GIT1: variants seen among roughly 807,000 people sequenced by gnomAD.
The protein encoded by GIT1 is GIT ArfGAP 1.
Under a neutral mutation model 91.7 loss-of-function variants are expected in GIT1, and 14 were observed. The ratio of observed to expected loss-of-function variants is 0.15; its 90% CI spans 0.10 to 0.24. GIT1 has a LOEUF of 0.24. Among genes scored for constraint, GIT1 ranks in the 10% least tolerant of loss-of-function variants. The pLI is 1.00. For synonymous variants in GIT1, 414 were observed against 418.2 expected (o/e 0.99, Z 0.12); for missense variants, 717 against 1,024.9 (o/e 0.70, Z 4.10).
At position 29,581,404 on chromosome 17, in the gene GIT1, G is replaced by A; in HGVS notation, c.719-24C>T. On this transcript the variant is annotated intron_variant, in intron 6 of 19. Transcript: ENST00000225394. This position sits in a 1 kb window ranked among gnomAD's most constrained non-coding sequence, Gnocchi z 4.8. ...ATCTGAACAAAAATAAAAATGCCAA[G>A]TCACTCACTAGTGCTGGGTGGCCTC... 1 of 1,599,468 alleles carries A rather than the reference G, an allele frequency of 6.3e-7. No individual in the cohort carries two copies. The highest frequency in any genetic ancestry group is 1.1e-5 in the South Asian group (1 of 90,820).
chr17:29,585,925 C>G (rs1567777486), intron 1 of GIT1, among the ~76,000 whole-genome samples: 1 of 152,116 alleles, frequency 6.6e-6, no homozygotes, highest in African/African-American at 2.4e-5. Flanking sequence ...TTAACCAGTG[C>G]CAACCCCATG....
Position 29,578,379 on chromosome 17 carries a change from A to T in GIT1, c.811-8T>A, listed in dbSNP as rs1567771477. ...AAAAAGCCGGTTGCTGAGCTGGAGG[A>T]AGAGAGGGGCCCAGATGTTGTCAGA... On this transcript the variant is annotated splice_region_variant and splice_polypyrimidine_tract_variant and intron_variant, in intron 8 of 19. Transcript: ENST00000225394. The T allele has an allele frequency of 6.2e-7, 1 of 1,613,724 alleles. No individual in the cohort carries two copies. The highest frequency in any genetic ancestry group is 8.5e-7 in the Non-Finnish European group (1 of 1,179,640).
Position 29,574,411 on chromosome 17 carries a change from G to A in GIT1, c.*291C>T, listed in dbSNP as rs755750925. 2.1e-4 allele frequency: 92 copies of A among 441,222 alleles called. No individual in the cohort carries two copies. Among genetic ancestry groups the A allele is most frequent in the Non-Finnish European group, 3.2e-4 (77 of 240,720 alleles). 27.3% of individuals were successfully genotyped at this position (441,222 alleles called of 1,614,324 possible). On this transcript the variant is annotated 3_prime_UTR_variant, in exon 20 of 20. Transcript: ENST00000225394. ...CTTTGCTGAGGGTGCCCTAGAAGGC[G>A]AGGGGCTGGGAGTGATGCCTTGCAG...
rs2033393278 is a variant in GIT1, at chr17:29,581,480, T to C, written c.719-100A>G. The C allele has an allele frequency of 2.0e-6, 2 of 995,042 alleles. No homozygotes were observed. Among genetic ancestry groups the C allele is most frequent in the Non-Finnish European group, 3.2e-6 (2 of 623,668 alleles). 61.6% of individuals were successfully genotyped at this position (995,042 alleles called of 1,614,324 possible). A position where few individuals can be genotyped will look rare whatever the true frequency, so the allele number is the denominator to read the frequency against. ...CATGAGCAGGGCTGGCACCCAGAAG[T>C]GTCAGGGGAAAGTGGGGAGGGCAGG... On this transcript the variant is annotated intron_variant, in intron 6 of 19. Coordinates refer to ENST00000225394, the MANE Select transcript of GIT1 (RefSeq NM_014030.4). The surrounding 1 kb of genome is among the most constrained non-coding windows in gnomAD (Gnocchi z 4.8).
intron 10 of GIT1, 122 bp downstream of exon 10, chr17:29,577,523 G>A (rs1243480245): frequency 9.3e-6 from 7 of 753,972 alleles, no homozygotes; most frequent in Admixed American, 3.8e-5. Flanking sequence ...AGTGCCAGCT[G>A]TGCCCTGAGG....
intron 7 of GIT1, among the ~76,000 whole-genome samples, chr17:29,579,846 C>A (rs2033339552): frequency 1.3e-5 from 2 of 152,282 alleles, no homozygotes; most frequent in South Asian, 4.1e-4. Flanking sequence ...GGTCAAGCAG[C>A]CTGCAAGTCA....
At chr17:29,582,171 T>A in intron 4 of GIT1, 27 bp from the exon 5 acceptor site, 1 of 1,498,320 alleles carries the variant, frequency 6.7e-7, no homozygotes. Context: ...GTGCAGTGAA[T>A]ACGCATGTGC....
At chr17:29,578,109 C>T (rs2033276284) in intron 9 of GIT1, among the ~76,000 whole-genome samples, 190 bp downstream of exon 9, 1 of 152,182 alleles carries the variant, frequency 6.6e-6, no homozygotes, top group Non-Finnish European at 1.5e-5. Context: ...AGCACGCTAG[C>T]CGCCTCCCCC....
In GIT1 at chr17:29,574,169, C is replaced by T. The variant is rs1420070151; in HGVS notation, c.*533G>A. 1 of 151,948 alleles carries T rather than the reference C, an allele frequency of 6.6e-6. No homozygotes were observed. Among genetic ancestry groups the T allele is most frequent in the Non-Finnish European group, 1.5e-5 (1 of 68,228 alleles). 9.4% of individuals were successfully genotyped at this position (151,948 alleles called of 1,614,324 possible). On this transcript the variant is annotated 3_prime_UTR_variant, in exon 20 of 20. Coordinates refer to ENST00000225394, the MANE Select transcript of GIT1 (RefSeq NM_014030.4). ...ACTTTCCAGTGTTTGCTGCTGGGGACCCCAGCACACAGGTTGGGGCCTGTG... is the reference window on the plus strand; with the variant it reads ...ACTTTCCAGTGTTTGCTGCTGGGGATCCCAGCACACAGGTTGGGGCCTGTG...
Position 29,577,705 on chromosome 17 carries a change from T to A in GIT1, c.921A>T (p.Thr307=), listed in dbSNP as rs769240664. The A allele has an allele frequency of 8.7e-6, 14 of 1,612,866 alleles. No individual in the cohort carries two copies. Among genetic ancestry groups the A allele is most frequent in the Non-Finnish European group, 1.1e-5 (13 of 1,179,086 alleles). Residue 307 remains threonine, a synonymous_variant, in exon 10 of 20, where the codon ACA becomes ACT. Coordinates refer to ENST00000225394, the MANE Select transcript of GIT1 (RefSeq NM_014030.4). ...GCAGGAAGGGCACGGCACTGCGCTC[T>A]GTCACCAGAGTGCTGTGGTTTTGGG... ...LATQNHSTLV[T]ERSAVPFLPV... is the part of the protein sequence containing the mutation.
chr17:29,587,800 T>C (rs865901564), intron 1 of GIT1, among the ~76,000 whole-genome samples: 43 of 152,088 alleles, frequency 2.8e-4, no homozygotes, highest in Admixed American at 9.2e-4. Context: ...AGCCCCAGAC[T>C]CCCCCGATTG....
chr17:29,576,762 A>G lies in GIT1; in HGVS notation c.1228-88T>C, dbSNP rs1598566417. On this transcript the variant is annotated intron_variant, in intron 12 of 19. Transcript: ENST00000225394. ...CAGTTATTGAGGCTAGGAGCAGCCCACCTGTCCCTCAGGCCCCTGGGCTAC... is the reference window on the plus strand; with the variant it reads ...CAGTTATTGAGGCTAGGAGCAGCCCGCCTGTCCCTCAGGCCCCTGGGCTAC... The G allele has an allele frequency of 3.2e-6, 5 of 1,585,330 alleles. No homozygotes were observed. The East Asian group carries it at 1.1e-4, about 36-fold the overall frequency.
In GIT1 at chr17:29,575,275, C is replaced by T. The variant is rs773784492; in HGVS notation, c.2009+13G>A. 3 of 1,604,764 alleles carry T rather than the reference C, an allele frequency of 1.9e-6. No homozygotes were observed. Among genetic ancestry groups the T allele is most frequent in the South Asian group, 1.1e-5 (1 of 90,144 alleles). Reference sequence around the variant, plus strand: ...GGAACTGCATCCCCCTCACCTCCCCCTCCACTCAGTACCTGTCATGCTTGA... The same window carrying T: ...GGAACTGCATCCCCCTCACCTCCCCTTCCACTCAGTACCTGTCATGCTTGA... On this transcript the variant is annotated intron_variant, in intron 18 of 19. Transcript: ENST00000225394. This position sits in a 1 kb window ranked among gnomAD's most constrained non-coding sequence, Gnocchi z 5.5.
chr17:29,583,083 A>C, intron 2 of GIT1, 46 bp from the exon 3 acceptor site: 4 of 1,246,344 alleles, frequency 3.2e-6, no homozygotes, highest in Non-Finnish European at 4.7e-6. Context: ...CTGCGTGCTA[A>C]GCAATGGGGG....
Position 29,583,582 on chromosome 17 carries a change from C to T in GIT1, c.87G>A (p.Leu29=), listed in dbSNP as rs1197967932. 5 of 1,605,786 alleles carry T rather than the reference C, an allele frequency of 3.1e-6. No homozygotes were observed. In the East Asian group the frequency reaches 1.1e-4, roughly 36 times the overall value. ...GCACGCTGCAGCACTCGTCACACAC[C>T]AGCACACCCCTGCTGATGGATGCCC... ...PGWASISRGV[L]VCDECCSVHR... is the part of the protein sequence containing the mutation. The change falls in exon 2 of 20, where the codon CTG becomes CTA. Residue 29 remains leucine (L), a synonymous_variant. Transcript: ENST00000225394.
intron 10 of GIT1, among the ~76,000 whole-genome samples, 172 bp from the exon 11 acceptor site, chr17:29,577,419 T>C (rs2033249442): frequency 1.3e-5 from 2 of 152,090 alleles, no homozygotes; most frequent in African/African-American, 4.8e-5. Context: ...TGGCAGGGTA[T>C]GATAGAGTAG....
chr17:29,575,418 C>G lies in GIT1; in HGVS notation c.1879G>C (p.Glu627Gln), dbSNP rs1201406092. Residue 627 changes from glutamate (E) to glutamine (Q), a missense_variant, in exon 18 of 20, where the codon GAG becomes CAG. This residue lies in a region of GIT1 where 134 missense variants were observed against 223.8 expected (regional missense o/e 0.60). Transcript: ENST00000225394. The surrounding 1 kb of genome is among the most constrained non-coding windows in gnomAD (Gnocchi z 5.5). ...ELGKEEDFHP[E>Q]LESLDGDLDP... is the part of the protein sequence containing the mutation. ...AGGTCTCCATCCAGGCTTTCCAGCT[C>G]TGGGTGGAAGTCTTCCTCTTTGCCC... The G allele has an allele frequency of 2.5e-6, 4 of 1,613,508 alleles. No individual in the cohort carries two copies. Among genetic ancestry groups the G allele is most frequent in the African/African-American group, 1.3e-5 (1 of 75,034 alleles).
intron 1 of GIT1, among the ~76,000 whole-genome samples, chr17:29,588,212 A>G (rs1259273600): frequency 6.6e-6 from 1 of 152,138 alleles, no homozygotes; most frequent in Non-Finnish European, 1.5e-5. Flanking sequence ...ACTCTTAATC[A>G]TGCCCACAGC....
intron 9 of GIT1, 53 bp downstream of exon 9, chr17:29,578,246 A>G: frequency 7.0e-7 from 1 of 1,427,972 alleles, no homozygotes; most frequent in East Asian, 2.3e-5. Flanking sequence ...CCAGAGACCC[A>G]TGCCTGGGCC....
Sources: gnomAD v4.1 joint callset for allele counts (sites outside exome capture counted in the v4.1 genomes callset) on GRCh38, gnomAD v4.1.1 for gene constraint, gnomAD v4.1.1 regional missense constraint, Gnocchi (gnomAD v3.1) non-coding constraint, MANE v1.5 for transcripts, NCBI Gene and HGNC (gene_info 2026-07-23, HGNC 2026-07-21) for gene names.